The following CCDC146 variants were observed in gnomAD, a reference collection of about 807,000 sequenced individuals.
The protein encoded by CCDC146 is coiled-coil domain-containing protein 146.
CCDC146 carries 92 observed loss-of-function variants against 119.3 expected under a neutral mutation model. That is an observed-to-expected ratio of 0.77 (90% CI 0.65 to 0.92). CCDC146 has a LOEUF of 0.92. Among genes scored for constraint, CCDC146 ranks in the 40% least tolerant of loss-of-function variants. The pLI, the probability that CCDC146 is intolerant of heterozygous loss-of-function variation, is 0.00. For synonymous variants in CCDC146, 372 were observed against 371.8 expected, an observed-to-expected ratio of 1.00 and a Z score of -0.01; for missense variants, 1,000 against 1,103.0, an observed-to-expected ratio of 0.91 and a Z score of 1.32.
intron 1 of CCDC146, among the ~76,000 whole-genome samples, chr7:77,132,257 AC>A (rs1300034917): frequency 2.0e-5 from 3 of 152,046 alleles, no homozygotes; most frequent in Non-Finnish European, 2.9e-5. Flanking sequence ...AAAAAATTAG[AC>A]AAAAATATTG....
intron 1 of CCDC146, among the ~76,000 whole-genome samples, chr7:77,166,313 A>G (rs1490823813): frequency 1.3e-5 from 2 of 152,208 alleles, no homozygotes; most frequent in African/African-American, 4.8e-5. Flanking sequence ...TTATTTTGAA[A>G]TGATTTATCA....
chr7:77,200,528 C>T (rs1037841461), intron 2 of CCDC146, among the ~76,000 whole-genome samples: 4 of 152,340 alleles, frequency 2.6e-5, no homozygotes, highest in East Asian at 1.9e-4. Context: ...CTTTGCCCTT[C>T]GACATTTTGG....
chr7:77,151,129 A>C (rs947890124), intron 1 of CCDC146, among the ~76,000 whole-genome samples: 1 of 152,122 alleles, frequency 6.6e-6, no homozygotes, highest in African/African-American at 2.4e-5. Context: ...CCAACTTCTC[A>C]TTGTAGCCTC....
chr7:77,282,129 A>G (rs1322378512), intron 14 of CCDC146, among the ~76,000 whole-genome samples: 1 of 152,232 alleles, frequency 6.6e-6, no homozygotes, highest in Admixed American at 6.5e-5. Flanking sequence ...GCAACTTAAT[A>G]TAGAGCAGAC....
At chr7:77,220,139 A>G (rs1220411069) in intron 2 of CCDC146, among the ~76,000 whole-genome samples, 2 of 152,184 alleles carry the variant, frequency 1.3e-5, no homozygotes, top group African/African-American at 4.8e-5. Context: ...CCGTATCTAC[A>G]ACTGCATAAG....
In CCDC146 at chr7:77,208,365, C is replaced by T. The variant is rs187928768; in HGVS notation, c.157-28582C>T. On this transcript the variant is annotated intron_variant, in intron 2 of 18. Coordinates refer to ENST00000285871, the MANE Select transcript of CCDC146 (RefSeq NM_020879.3). ...AACCTAGATGGTATAGCCTACTACA[C>T]ATGTAGGCTATGTGGTATAGCCTAT... Among the ~76,000 whole-genome samples, 42 of 149,692 alleles carry T rather than the reference C, an allele frequency of 2.8e-4. No individual in the cohort carries two copies. The East Asian group carries it at 6.0e-3, about 21-fold the overall frequency.
rs925148838 is a variant in CCDC146, at chr7:77,196,500, G to A, written c.156+28676G>A. 2.5e-5 allele frequency: 41 copies of A among 1,613,978 alleles called. No individual in the cohort carries two copies. The highest frequency in any genetic ancestry group is 3.4e-5 in the Non-Finnish European group (40 of 1,179,996). On this transcript the variant is annotated intron_variant, in intron 2 of 18. Coordinates refer to ENST00000285871, the MANE Select transcript of CCDC146 (RefSeq NM_020879.3). This position sits in a 1 kb window ranked among gnomAD's most constrained non-coding sequence, Gnocchi z 4.2. ...TAGTACAGCCCACAGTTCCCAGAAGGATATCGATCATTGTCTTTATCTGGA... is the reference window on the plus strand; with the variant it reads ...TAGTACAGCCCACAGTTCCCAGAAGAATATCGATCATTGTCTTTATCTGGA...
At chr7:77,155,911 T>G (rs1791172084) in intron 1 of CCDC146, among the ~76,000 whole-genome samples, 2 of 152,068 alleles carry the variant, frequency 1.3e-5, no homozygotes. Context: ...TTGTTTTGAT[T>G]ATGTAGGTTT....
At chr7:77,131,015 C>T (rs971859213) in intron 1 of CCDC146, among the ~76,000 whole-genome samples, 1 of 151,852 alleles carries the variant, frequency 6.6e-6, no homozygotes, top group African/African-American at 2.4e-5. Flanking sequence ...CCTCAGGTTC[C>T]CAAGTAGCTG....
Position 77,262,076 on chromosome 7 carries a change from G to A in CCDC146, c.987-45G>A, listed in dbSNP as rs1364251472. The A allele has an allele frequency of 2.0e-6, 3 of 1,473,304 alleles. No homozygotes were observed. The South Asian group carries it at 4.0e-5, about 20-fold the overall frequency. 91.3% of individuals were successfully genotyped at this position (1,473,304 alleles called of 1,614,324 possible). ...TAAGTTTTGAAAAACATTTAGGACA[G>A]CTGATAACAAAATCATTTTCTTCTT... On this transcript the variant is annotated intron_variant, in intron 8 of 18. Transcript: ENST00000285871.
intron 1 of CCDC146, among the ~76,000 whole-genome samples, chr7:77,156,527 AG>A (rs1263362508): frequency 6.6e-6 from 1 of 152,096 alleles, no homozygotes; most frequent in Non-Finnish European, 1.5e-5. Context: ...TTTTAAAAAA[AG>A]CATCTCCATA....
At chr7:77,285,093 C>T (rs1156600677) in intron 15 of CCDC146, among the ~76,000 whole-genome samples, 1 of 151,910 alleles carries the variant, frequency 6.6e-6, no homozygotes, top group African/African-American at 2.4e-5. Flanking sequence ...CAATCTAATC[C>T]AAGGATTATC....
intron 2 of CCDC146, among the ~76,000 whole-genome samples, chr7:77,181,630 C>T (rs1253659113): frequency 6.6e-6 from 1 of 152,108 alleles, no homozygotes; most frequent in African/African-American, 2.4e-5. Context: ...ATTTTTTCCA[C>T]TGGGAAGTTT....
chr7:77,223,693 A>T (rs960039536), intron 2 of CCDC146, among the ~76,000 whole-genome samples: 11 of 152,260 alleles, frequency 7.2e-5, no homozygotes, highest in Non-Finnish European at 1.3e-4. Flanking sequence ...GAATTCTTTT[A>T]ACTGCATCAT....
intron 17 of CCDC146, among the ~76,000 whole-genome samples, chr7:77,289,583 C>T (rs866292448): frequency 1.3e-5 from 2 of 152,224 alleles, no homozygotes; most frequent in Non-Finnish European, 2.9e-5. Flanking sequence ...GTTTGCTCAT[C>T]TGTGTAATGG....
At chr7:77,205,363 A>G (rs765223050) in intron 2 of CCDC146, among the ~76,000 whole-genome samples, 1 of 152,232 alleles carries the variant, frequency 6.6e-6, no homozygotes, top group South Asian at 2.1e-4. Flanking sequence ...TATATTATTT[A>G]TTCATTAATG....
chr7:77,183,262 C>T (rs1490426759), intron 2 of CCDC146, among the ~76,000 whole-genome samples: 3 of 151,938 alleles, frequency 2.0e-5, no homozygotes, highest in African/African-American at 7.3e-5. Flanking sequence ...TTGGCCATTT[C>T]ATTATTTTGT....
chr7:77,214,253 T>C (rs939802213), intron 2 of CCDC146, among the ~76,000 whole-genome samples: 3 of 152,226 alleles, frequency 2.0e-5, no homozygotes, highest in African/African-American at 7.2e-5. Context: ...ATATGTCTTC[T>C]TTTGGGAAGT....
At chr7:77,242,860 C>G (rs1792875199) in intron 4 of CCDC146, among the ~76,000 whole-genome samples, 1 of 121,908 alleles carries the variant, frequency 8.2e-6, no homozygotes. Context: ...AAAATCCTCT[C>G]TTTGGGGCCT....
Sources: allele counts gnomAD v4.1 joint callset (sites outside exome capture counted in the v4.1 genomes callset), GRCh38; gene constraint gnomAD v4.1.1; non-coding constraint Gnocchi (gnomAD v3.1); transcripts MANE v1.5; gene names NCBI Gene and HGNC (gene_info 2026-07-23, HGNC 2026-07-21).